CDK15: variants seen among roughly 807,000 people sequenced by gnomAD.
The protein encoded by CDK15 is cyclin-dependent kinase 15.
A neutral mutation model predicts 60.3 loss-of-function variants in CDK15; 62 were observed. That is an observed-to-expected ratio of 1.03 (90% confidence interval 0.84 to 1.27). The LOEUF is 1.27. Among genes scored for constraint, CDK15 ranks in the 50% most tolerant of loss-of-function variants. The probability of loss-of-function intolerance (pLI) is 0.00; values close to 1 mark genes in which losing one functional copy is unlikely to be tolerated. For synonymous variants in CDK15, 194 were observed against 195.7 expected, an observed-to-expected ratio of 0.99 and a Z score of 0.07; for missense variants, 541 against 527.8, an observed-to-expected ratio of 1.03 and a Z score of -0.25.
rs182424410 is a variant in CDK15 at position 201,833,336 on chromosome 2, T to C, written c.607-512T>C. 7.9e-5 allele frequency among the ~76,000 whole-genome samples: 12 copies of C among 152,302 alleles called. No homozygotes were observed. In the East Asian group the frequency reaches 1.7e-3, roughly 22 times the overall value. ...TAAAAAGATAAAGATTTCTTTATTT[T>C]CTAATACCATCTAAAGATATATTTT... is the stretch of plus-strand genomic sequence containing the variant. On this transcript the variant is annotated intron_variant, in intron 6 of 13. Transcript: ENST00000652192.
intron 12 of CDK15, among the ~76,000 whole-genome samples, chr2:201,889,783 C>T (rs1338904906): frequency 6.6e-6 from 1 of 152,078 alleles, no homozygotes; most frequent in Non-Finnish European, 1.5e-5. Context: ...GGCCCCGAGG[C>T]TCATGCCTAT....
intron 8 of CDK15, among the ~76,000 whole-genome samples, chr2:201,846,875 C>A (rs1697694131): frequency 6.6e-6 from 1 of 152,092 alleles, no homozygotes; most frequent in Non-Finnish European, 1.5e-5. Flanking sequence ...TAATGTTTCT[C>A]TTTTTCGTGT....
chr2:201,887,164 T>C (rs974638548), intron 12 of CDK15, among the ~76,000 whole-genome samples: 24 of 152,248 alleles, frequency 1.6e-4, no homozygotes, highest in African/African-American at 5.8e-4. Context: ...TGACTCAACA[T>C]ACAGTACTAT....
At chr2:201,816,478 T>G (rs954647331) in intron 4 of CDK15, among the ~76,000 whole-genome samples, 3 of 104,446 alleles carry the variant, frequency 2.9e-5, no homozygotes, top group Admixed American at 1.1e-4. Flanking sequence ...TTTTTTTTTT[T>G]TGTGGCTGCA....
chr2:201,834,118 G>A (rs1232824103), intron 7 of CDK15, 147 bp downstream of exon 7: 4 of 1,029,618 alleles, frequency 3.9e-6, no homozygotes, highest in Non-Finnish European at 5.3e-6. Context: ...CACAAAGGAA[G>A]TGTGAGGCAC....
At chr2:201,853,587 A>G (rs1247675660) in intron 9 of CDK15, among the ~76,000 whole-genome samples, 1 of 152,116 alleles carries the variant, frequency 6.6e-6, no homozygotes, top group African/African-American at 2.4e-5. Flanking sequence ...TGTTTCTAAA[A>G]AGAGTTATAG....
chr2:201,807,819 C>T, intron 2 of CDK15, 39 bp from the exon 3 acceptor site: 1 of 1,578,458 alleles, frequency 6.3e-7, no homozygotes, highest in Non-Finnish European at 8.6e-7. Context: ...TTTCTCTCTT[C>T]CCTTTCACCC....
chr2:201,817,453 A>G (rs1486438247), intron 4 of CDK15, among the ~76,000 whole-genome samples: 1 of 152,218 alleles, frequency 6.6e-6, no homozygotes, highest in Middle Eastern at 3.2e-3. Context: ...AGAAAATAAT[A>G]CATCATGTTG....
intron 5 of CDK15, 32 bp downstream of exon 5, chr2:201,822,935 G>A: frequency 8.0e-7 from 1 of 1,242,788 alleles, no homozygotes; most frequent in Non-Finnish European, 1.2e-6. Flanking sequence ...CAACACTTGA[G>A]AAAAATAACC....
rs1698179196 is a variant in CDK15 at position 201,857,211 on chromosome 2, C to T, written c.1009+2274C>T. ...ACTGCAGTCCGCAGTCCGACCTGGGCGACAGAGCGAGACTCCGTCTCAAAA... is the reference window on the plus strand; with the variant it reads ...ACTGCAGTCCGCAGTCCGACCTGGGTGACAGAGCGAGACTCCGTCTCAAAA... On this transcript the variant is annotated intron_variant, in intron 10 of 13. Transcript: ENST00000652192. Among the ~76,000 whole-genome samples the T allele has an allele frequency of 8.5e-4, 5 of 5,876 alleles. No homozygotes were observed. The South Asian group carries it at 0.025, about 29-fold the overall frequency. 3.9% of individuals were successfully genotyped at this position (5,876 alleles called of 152,430 possible). A position where few individuals can be genotyped will look rare whatever the true frequency, so the allele number is the denominator to read the frequency against.
At chr2:201,845,672 TAAG>T (rs1697622337) in intron 8 of CDK15, among the ~76,000 whole-genome samples, 1 of 151,636 alleles carries the variant, frequency 6.6e-6, no homozygotes, top group Non-Finnish European at 1.5e-5. Context: ...TGAATAATAT[TAAG>T]GACCATATTT....
chr2:201,835,540 G>A lies in CDK15; in HGVS notation c.731-103G>A, dbSNP rs1306098079. On this transcript the variant is annotated intron_variant, in intron 7 of 13. Transcript: ENST00000652192. ...ATTAGTTCTACTAAAAGCACCTAAA[G>A]TTTGTGTGTTATTTTTTCTAATGGT... is the stretch of plus-strand genomic sequence containing the variant. 7 of 1,245,004 alleles carry A rather than the reference G, an allele frequency of 5.6e-6. No homozygotes were observed. The East Asian group carries it at 1.7e-4, about 30-fold the overall frequency. 77.1% of individuals were successfully genotyped at this position (1,245,004 alleles called of 1,614,324 possible). A position where few individuals can be genotyped will look rare whatever the true frequency, so the allele number is the denominator to read the frequency against.
intron 8 of CDK15, among the ~76,000 whole-genome samples, chr2:201,837,506 GGAAGGAAA>G (rs1559127566): frequency 9.8e-5 from 12 of 122,958 alleles, no homozygotes; most frequent in East Asian, 2.2e-4. Flanking sequence ...AAGGAAGGAA[GGAAGGAAA>G]GAAGGAAAGA....
At chr2:201,813,209 G>T (rs1695849873) in intron 4 of CDK15, among the ~76,000 whole-genome samples, 3 of 152,138 alleles carry the variant, frequency 2.0e-5, no homozygotes, top group Admixed American at 2.0e-4. Context: ...TGTATATAAA[G>T]CACTTATCAC....
chr2:201,888,668 C>G, intron 12 of CDK15: 1 of 1,345,760 alleles, frequency 7.4e-7, no homozygotes, highest in Non-Finnish European at 9.5e-7. Context: ...AAATTGGAAT[C>G]CTTTTGATTA....
chr2:201,855,012 G>C, intron 10 of CDK15, 75 bp downstream of exon 10: 2 of 1,376,034 alleles, frequency 1.5e-6, no homozygotes, highest in Non-Finnish European at 2.1e-6. Context: ...CTAACAGGGC[G>C]TTCTTGTATT....
intron 8 of CDK15, among the ~76,000 whole-genome samples, chr2:201,838,205 G>A (rs1001058943): frequency 6.6e-6 from 1 of 152,010 alleles, no homozygotes; most frequent in Non-Finnish European, 1.5e-5. Context: ...TTGCTCTGCA[G>A]GGGACATTTG....
At chr2:201,850,658 A>G (rs961323558) in intron 9 of CDK15, among the ~76,000 whole-genome samples, 2 of 152,218 alleles carry the variant, frequency 1.3e-5, no homozygotes, top group Non-Finnish European at 1.5e-5. Flanking sequence ...CATGCCCTGT[A>G]TTGGGATTGC....
intron 6 of CDK15, among the ~76,000 whole-genome samples, chr2:201,826,727 T>C (rs1348762484): frequency 6.6e-6 from 1 of 152,114 alleles, no homozygotes; most frequent in East Asian, 1.9e-4. Context: ...ATGAAATAAA[T>C]GGATGAGAAG....
Sources: allele counts gnomAD v4.1 joint callset (sites outside exome capture counted in the v4.1 genomes callset), GRCh38; gene constraint gnomAD v4.1.1; transcripts MANE v1.5; gene names NCBI Gene and HGNC (gene_info 2026-07-23, HGNC 2026-07-21).